CTBP2: variants seen among roughly 807,000 people sequenced by gnomAD.
CTBP2 encodes the protein C-terminal-binding protein 2.
In CTBP2, 30 loss-of-function variants were observed where a neutral mutation model predicts 80.3. That is an observed-to-expected ratio of 0.37 (90% CI 0.28 to 0.51). CTBP2 has a LOEUF of 0.51. Among genes scored for constraint, CTBP2 ranks in the 20% least tolerant of loss-of-function variants. The pLI, the probability that CTBP2 is intolerant of heterozygous loss-of-function variation, is 0.93. For synonymous variants in CTBP2, 594 were observed against 587.4 expected (o/e 1.01, Z -0.16); for missense variants, 1,212 against 1,375.3 (o/e 0.88, Z 1.88).
At position 125,157,562 on chromosome 10, in the gene CTBP2, T is replaced by C. The variant is rs143462876; in HGVS notation, c.-206+2757A>G. 2.7e-3 allele frequency among the ~76,000 whole-genome samples: 412 copies of C among 151,436 alleles called. 1 individual carries two copies. The highest frequency in any genetic ancestry group is 0.014 in the Middle Eastern group (4 of 292). Reference sequence around the variant, plus strand: ...CCACAGGGATGTAACTGGGGTCCCCTACCCCTGGGGCACAAAAAACCAATC... The same window carrying C: ...CCACAGGGATGTAACTGGGGTCCCCCACCCCTGGGGCACAAAAAACCAATC... On this transcript the variant is annotated intron_variant, in intron 1 of 10. Transcript: ENST00000337195.
chr10:125,064,569 C>G (rs1487173482), intron 2 of CTBP2, among the ~76,000 whole-genome samples: 6 of 152,222 alleles, frequency 3.9e-5, no homozygotes, highest in Admixed American at 3.9e-4. Context: ...AATCCATTGT[C>G]CAAGTTTGCC....
At chr10:124,993,355 T>C (rs1952979954) in intron 6 of CTBP2, 26 bp from the exon 9 acceptor site, 1 of 1,598,968 alleles carries the variant, frequency 6.3e-7, no homozygotes, top group African/African-American at 1.3e-5. Context: ...AAAAACAGAG[T>C]AAGCGGGAAA....
At chr10:125,034,306 C>T (rs1958605058) in intron 3 of CTBP2, among the ~76,000 whole-genome samples, 1 of 152,192 alleles carries the variant, frequency 6.6e-6, no homozygotes, top group Non-Finnish European at 1.5e-5. Context: ...AAGCCGGGGA[C>T]AGATAAGGCA....
chr10:125,026,366 T>C lies in CTBP2; in HGVS notation c.1394A>G (p.Asn465Ser). The C allele has an allele frequency of 1.2e-6, 2 of 1,613,024 alleles. No homozygotes were observed. The highest frequency in any genetic ancestry group is 1.7e-6 in the Non-Finnish European group (2 of 1,179,534). ...GTGAAGGGGGTTTGAGGGGCCCGGG[T>C]TAGTCAAGGCCACCCCTGCCTGCAG... The change falls in exon 1 of 9, where the codon AAC becomes AGC. Residue 465 changes from asparagine (N) to serine (S), a missense_variant. Asn to Ser is a conservative substitution (Grantham distance 46, BLOSUM62 1). Around this residue, in one of 3 missense-constraint regions of CTBP2, gnomAD observed 848 missense variants for 782.3 expected, o/e 1.08. Transcript: ENST00000309035.
At chr10:125,014,537 A>G (rs915756938) in intron 1 of CTBP2, among the ~76,000 whole-genome samples, 2 of 152,256 alleles carry the variant, frequency 1.3e-5, no homozygotes, top group Admixed American at 1.3e-4. Context: ...TAAGAGGGTT[A>G]ATGCAAGATT....
intron 3 of CTBP2, among the ~76,000 whole-genome samples, chr10:125,001,995 C>T (rs912320398): frequency 3.3e-5 from 5 of 152,184 alleles, no homozygotes; most frequent in Non-Finnish European, 5.9e-5. Flanking sequence ...ACACCCAGCC[C>T]GTCCCGGAAG....
chr10:125,079,329 G>A (rs375887466), intron 2 of CTBP2, among the ~76,000 whole-genome samples: 3 of 152,224 alleles, frequency 2.0e-5, no homozygotes, highest in South Asian at 2.1e-4. Flanking sequence ...GCCAGTCCAC[G>A]GTTCCCAGCG....
At chr10:125,014,656 C>A (rs866839312) in intron 1 of CTBP2, among the ~76,000 whole-genome samples, 1 of 152,240 alleles carries the variant, frequency 6.6e-6, no homozygotes, top group African/African-American at 2.4e-5. Flanking sequence ...AGGCCTCTGG[C>A]CAGGCAGAAC....
chr10:125,108,756 G>T (rs1306653430), intron 2 of CTBP2, among the ~76,000 whole-genome samples: 1 of 152,254 alleles, frequency 6.6e-6, no homozygotes, highest in Non-Finnish European at 1.5e-5. Flanking sequence ...GCCACACTCA[G>T]TGTGTGCGTG....
intron 2 of CTBP2, among the ~76,000 whole-genome samples, chr10:125,061,693 C>T (rs1046721429): frequency 2.6e-5 from 4 of 152,164 alleles, no homozygotes; most frequent in African/African-American, 4.8e-5. Context: ...AGACGGAGCC[C>T]CCGTGCAGCA....
chr10:125,160,045 G>C (rs1018292114), intron 1 of CTBP2: 2 of 150,210 alleles, frequency 1.3e-5, no homozygotes, highest in African/African-American at 4.9e-5. Flanking sequence ...CAAAAATCCT[G>C]GCGCAAACGG....
At chr10:125,040,021 A>T (rs1458094532) in intron 2 of CTBP2, among the ~76,000 whole-genome samples, 3 of 152,146 alleles carry the variant, frequency 2.0e-5, no homozygotes, top group Non-Finnish European at 4.4e-5. Flanking sequence ...CCTCCTTCTC[A>T]GGAGGATCTG....
intron 2 of CTBP2, among the ~76,000 whole-genome samples, chr10:125,086,874 G>T (rs1848061864): frequency 6.6e-6 from 1 of 152,148 alleles, no homozygotes; most frequent in South Asian, 2.1e-4. Context: ...CTCAGGGAGG[G>T]GGCTCCGCCT....
chr10:125,028,559 A>C (rs1308742982), upstream of CTBP2, among the ~76,000 whole-genome samples: 1 of 152,252 alleles, frequency 6.6e-6, no homozygotes, highest in Non-Finnish European at 1.5e-5. Flanking sequence ...TGTGAATCAA[A>C]CAGGTTTCCG....
intron 2 of CTBP2, among the ~76,000 whole-genome samples, chr10:125,078,956 T>G (rs1233749456): frequency 7.0e-6 from 1 of 143,724 alleles, no homozygotes; most frequent in African/African-American, 2.6e-5. Context: ...CTGGCCAACA[T>G]GGTGAAACCC....
At chr10:125,083,802 G>A (rs1255553852) in intron 2 of CTBP2, among the ~76,000 whole-genome samples, 2 of 152,086 alleles carry the variant, frequency 1.3e-5, no homozygotes, top group Non-Finnish European at 2.9e-5. Flanking sequence ...GTTTTTTTGA[G>A]ACGGAGTCTT....
At position 124,985,077 on chromosome 10, in the gene CTBP2, T is replaced by G. The variant is rs1347150724; in HGVS notation, c.*4441A>C. 1 of 1,126,050 alleles carries G rather than the reference T, an allele frequency of 8.9e-7. No homozygotes were observed. The highest frequency in any genetic ancestry group is 1.6e-5 in the African/African-American group (1 of 64,272). The allele number at this position is 1,126,050 out of a possible 1,614,324, so 69.8% of individuals were successfully genotyped here. On this transcript the variant is annotated 3_prime_UTR_variant, in exon 9 of 9. Coordinates refer to ENST00000309035, the MANE Select transcript of CTBP2 (RefSeq NM_022802.3). ...TGTGGTGCTCCAAGCAGAGTCGACA[T>G]CATGGAATGAACCAAATCTGGCAGG...
intron 2 of CTBP2, among the ~76,000 whole-genome samples, chr10:125,078,254 T>C (rs1846586339): frequency 7.9e-6 from 1 of 126,770 alleles, no homozygotes; most frequent in African/African-American, 3.1e-5. Context: ...CACTCCAGCC[T>C]GGGCGACAGA....
At chr10:125,115,913 A>G (rs893714602) in intron 1 of CTBP2, among the ~76,000 whole-genome samples, 1 of 152,182 alleles carries the variant, frequency 6.6e-6, no homozygotes, top group Non-Finnish European at 1.5e-5. Flanking sequence ...AGTAGTCTAC[A>G]GTCTTCGCCC....
Sources: allele counts gnomAD v4.1 joint callset (sites outside exome capture counted in the v4.1 genomes callset), GRCh38; gene constraint gnomAD v4.1.1; regional missense constraint gnomAD v4.1.1; transcripts MANE v1.5; gene names NCBI Gene and HGNC (gene_info 2026-07-23, HGNC 2026-07-21).